The following PTPRN2 variants were observed in gnomAD, a reference collection of about 807,000 sequenced individuals.
PTPRN2 encodes receptor-type tyrosine-protein phosphatase N2.
Under a neutral mutation model 118.8 loss-of-function variants are expected in PTPRN2, and 74 were observed. That is an observed-to-expected ratio of 0.62 (90% CI 0.52 to 0.76). The LOEUF (loss-of-function observed/expected upper bound fraction) is 0.76. Ranked by LOEUF, PTPRN2 falls within the 30% of genes least tolerant of loss-of-function variation. PTPRN2 has a pLI of 0.00. For synonymous variants in PTPRN2, 641 were observed against 608.0 expected (o/e 1.05, Z -0.80); for missense variants, 1,481 against 1,394.4 (o/e 1.06, Z -0.99).
chr7:157,546,451 C>T (rs1486489170), intron 22 of PTPRN2, among the ~76,000 whole-genome samples: 1 of 152,162 alleles, frequency 6.6e-6, no homozygotes, highest in Non-Finnish European at 1.5e-5. Context: ...CTGACAGGCC[C>T]CAGTGTGTGC....
intron 2 of PTPRN2, among the ~76,000 whole-genome samples, chr7:158,402,645 C>A (rs567607798): frequency 1.3e-5 from 2 of 152,330 alleles, no homozygotes; most frequent in Admixed American, 1.3e-4. Context: ...GTCCATGCGG[C>A]CTTGGGCAAG....
chr7:157,592,288 C>A (rs1449053518), intron 17 of PTPRN2, among the ~76,000 whole-genome samples: 1 of 152,220 alleles, frequency 6.6e-6, no homozygotes, highest in Admixed American at 6.5e-5. Context: ...TGGTTCACGC[C>A]TTCTATTCAC....
intron 3 of PTPRN2, among the ~76,000 whole-genome samples, chr7:158,283,120 T>G (rs1355284722): frequency 1.3e-5 from 2 of 152,176 alleles, no homozygotes; most frequent in African/African-American, 4.8e-5. Flanking sequence ...AGCGCTGATG[T>G]CAGGGGAAGA....
At chr7:158,281,869 A>G (rs912390792) in intron 3 of PTPRN2, among the ~76,000 whole-genome samples, 1 of 152,178 alleles carries the variant, frequency 6.6e-6, no homozygotes, top group Non-Finnish European at 1.5e-5. Context: ...AGTCTCAGCT[A>G]CTCTGAGCCC....
chr7:158,521,094 A>G (rs1232475923), intron 1 of PTPRN2, among the ~76,000 whole-genome samples: 1 of 152,252 alleles, frequency 6.6e-6, no homozygotes, highest in Non-Finnish European at 1.5e-5. Context: ...CTGCAGACGC[A>G]GTGACTTCCT....
chr7:158,415,930 CCT>C (rs1487575891), intron 2 of PTPRN2, among the ~76,000 whole-genome samples: 2 of 152,208 alleles, frequency 1.3e-5, no homozygotes, highest in Non-Finnish European at 2.9e-5. Context: ...CCCTGCCACC[CCT>C]GTGTCTGCTG....
chr7:158,192,493 G>T lies in PTPRN2; in HGVS notation c.383C>A (p.Pro128His). Reference protein sequence around the residue: ...RRPEASSPARPSKHSVGSERR... With the variant: ...RRPEASSPARHSKHSVGSERR... ...CTCGCTGCCAACGCTGTGTTTTGAG[G>T]GCCTGAAAAAGCAAAAGAAACCAGA... The change falls in exon 5 of 23, where the codon CCC becomes CAC. Residue 128 changes from proline to histidine, a missense_variant and splice_region_variant. Pro to His is a moderately conservative substitution (Grantham distance 77). Transcript: ENST00000389418. 1.3e-6 allele frequency: 2 copies of T among 1,579,376 alleles called. No homozygotes were observed. Among genetic ancestry groups the T allele is most frequent in the Non-Finnish European group, 1.7e-6 (2 of 1,166,020 alleles).
At chr7:157,649,068 G>A (rs1326939536) in intron 14 of PTPRN2, among the ~76,000 whole-genome samples, 4 of 130,880 alleles carry the variant, frequency 3.1e-5, no homozygotes, top group African/African-American at 5.6e-5. Context: ...CACTGAACTC[G>A]GTGGGTCAGA....
intron 11 of PTPRN2, among the ~76,000 whole-genome samples, chr7:158,079,413 A>G (rs1431756340): frequency 1.3e-5 from 2 of 152,202 alleles, no homozygotes; most frequent in Non-Finnish European, 1.5e-5. Flanking sequence ...ACATGAACAC[A>G]TTTGAAATGA....
rs141971420 is a variant in PTPRN2 at position 157,588,797 on chromosome 7, A to G, written c.2496+6441T>C. On this transcript the variant is annotated intron_variant, in intron 17 of 22. Coordinates refer to ENST00000389418, the MANE Select transcript of PTPRN2 (RefSeq NM_002847.5). ...CCTTCTTTATCTGTGAGGAGTGTGT[A>G]TGCTGAAGAGACACCCTGGCACTAC... Among the ~76,000 whole-genome samples, 403 of 152,172 alleles carry G rather than the reference A, an allele frequency of 2.6e-3. 3 individuals carry two copies. Among genetic ancestry groups the G allele is most frequent in the African/African-American group, 9.2e-3 (383 of 41,506 alleles).
At chr7:158,324,490 G>A (rs1473044496) in intron 2 of PTPRN2, among the ~76,000 whole-genome samples, 1 of 38,214 alleles carries the variant, frequency 2.6e-5, no homozygotes, top group African/African-American at 4.0e-5. Flanking sequence ...AGACTCACTG[G>A]GGACCAAAAA....
chr7:158,044,870 C>T (rs188042627), intron 11 of PTPRN2, among the ~76,000 whole-genome samples: 27 of 152,260 alleles, frequency 1.8e-4, no homozygotes, highest in African/African-American at 6.3e-4. Flanking sequence ...TAATTCTCAA[C>T]GAGAGCACCT....
intron 1 of PTPRN2, among the ~76,000 whole-genome samples, chr7:158,522,279 G>A (rs13310412): frequency 0.035 from 701 of 20,176 alleles, 77 homozygotes; most frequent in East Asian, 0.063. Context: ...GTGCTGGCTC[G>A]GGAGGGAGGT....
chr7:158,264,262 A>G (rs1227857248), intron 3 of PTPRN2, among the ~76,000 whole-genome samples: 1 of 152,214 alleles, frequency 6.6e-6, no homozygotes, highest in Non-Finnish European at 1.5e-5. Context: ...TCAGTAGGGG[A>G]AATAAAATAC....
chr7:157,900,093 C>T (rs780743820), intron 11 of PTPRN2, among the ~76,000 whole-genome samples: 9 of 152,212 alleles, frequency 5.9e-5, no homozygotes, highest in Admixed American at 2.0e-4. Context: ...TGCTGCAGAA[C>T]GGTCACCGAC....
chr7:158,460,338 GTC>G (rs1818889198), intron 2 of PTPRN2, among the ~76,000 whole-genome samples: 1 of 40,544 alleles, frequency 2.5e-5, no homozygotes, highest in Non-Finnish European at 5.8e-5. Flanking sequence ...GCACAGGAGG[GTC>G]ATTCAACTGT....
At chr7:158,463,822 CCATCATCATCCT>C (rs1819194536) in intron 2 of PTPRN2, among the ~76,000 whole-genome samples, 1 of 146,930 alleles carries the variant, frequency 6.8e-6, no homozygotes, top group African/African-American at 2.5e-5. Flanking sequence ...TTCATCATCA[CCATCATCATCCT>C]TACCATCACC....
intron 12 of PTPRN2, among the ~76,000 whole-genome samples, chr7:157,811,332 T>TTATATATATTTATATATATATATA (rs1554455382): frequency 8.4e-5 from 11 of 131,290 alleles, no homozygotes; most frequent in African/African-American, 3.1e-4. Context: ...ATCTACTCTA[T>TTATATATATTTATATATATATATA]TATATATATA....
intron 12 of PTPRN2, among the ~76,000 whole-genome samples, chr7:157,704,817 T>A (rs987101097): frequency 6.6e-6 from 1 of 152,216 alleles, no homozygotes; most frequent in Non-Finnish European, 1.5e-5. Flanking sequence ...TGACATATAC[T>A]AAATATTTAA....
Sources: allele counts gnomAD v4.1 joint callset (sites outside exome capture counted in the v4.1 genomes callset), GRCh38; gene constraint gnomAD v4.1.1; transcripts MANE v1.5; gene names NCBI Gene and HGNC (gene_info 2026-07-23, HGNC 2026-07-21).